NUP35: variants seen among roughly 807,000 people sequenced by gnomAD.
NUP35 encodes the protein nucleoporin NUP35.
Under a neutral mutation model 41.5 loss-of-function variants are expected in NUP35, and 25 were observed. The ratio of observed to expected loss-of-function variants is 0.60; its 90% CI spans 0.44 to 0.84. NUP35 has a LOEUF of 0.84. NUP35 is among the 40% of genes least tolerant of loss of function. NUP35 has a pLI of 0.00. For missense variants in NUP35, 396 were observed against 396.6 expected (o/e 1.00, Z 0.01); for synonymous variants, 149 against 130.7 (o/e 1.14, Z -0.96).
intron 3 of NUP35, among the ~76,000 whole-genome samples, chr2:183,132,400 A>G (rs948435059): frequency 2.1e-5 from 2 of 93,900 alleles, no homozygotes; most frequent in South Asian, 3.1e-4. Context: ...CTGAAAATAC[A>G]AAAAAAAAAA....
At chr2:183,129,456 C>T (rs1684620017) in intron 2 of NUP35, among the ~76,000 whole-genome samples, 1 of 151,996 alleles carries the variant, frequency 6.6e-6, no homozygotes, top group South Asian at 2.1e-4. Flanking sequence ...AGTATTTTTG[C>T]TTTAAAATGG....
In NUP35 at chr2:183,159,692, G is replaced by A. The variant is rs1481402717; in HGVS notation, c.903+40G>A. The A allele has an allele frequency of 2.7e-6, 4 of 1,485,134 alleles. No individual in the cohort carries two copies. In the South Asian group the frequency reaches 3.4e-5, roughly 13 times the overall value. 92.0% of individuals were successfully genotyped at this position (1,485,134 alleles called of 1,614,324 possible). ...GGATAAAAAAAGATGTACTTTAATG[G>A]CTGAGTGCATAGCATGCTTAACTTT... On this transcript the variant is annotated intron_variant, in intron 8 of 8. Transcript: ENST00000295119.
rs370230332 is a variant in NUP35 at position 183,159,474 on chromosome 2, C to T, written c.739-14C>T. The T allele has an allele frequency of 8.0e-5, 129 of 1,604,870 alleles. No individual in the cohort carries two copies. The highest frequency in any genetic ancestry group is 1.1e-4 in the Non-Finnish European group (126 of 1,175,412). ...ATGTTTATAAACAAAGGAGTTATTT[C>T]TTTGTTTCTCCAGAGTGTTATGGAA... On this transcript the variant is annotated splice_polypyrimidine_tract_variant and intron_variant, in intron 7 of 8. Transcript: ENST00000295119.
At chr2:183,152,491 A>G (rs1685507057) in intron 5 of NUP35, among the ~76,000 whole-genome samples, 1 of 152,108 alleles carries the variant, frequency 6.6e-6, no homozygotes, top group African/African-American at 2.4e-5. Context: ...ATGCTTTTGC[A>G]TCATCATAGC....
rs1045506677 is a variant in NUP35 at position 183,144,745 on chromosome 2, G to C, written c.398-6763G>C. ...CATGGCATGTGGGCATCAGAAGTCT[G>C]ATTGAAAGGAAGTAAAATTAGTGGA... On this transcript the variant is annotated intron_variant, in intron 4 of 8. Transcript: ENST00000295119. 7.9e-5 allele frequency among the ~76,000 whole-genome samples: 12 copies of C among 152,200 alleles called. 1 individual carries two copies. The highest frequency in any genetic ancestry group is 7.9e-4 in the Admixed American group (12 of 15,278).
intron 4 of NUP35, among the ~76,000 whole-genome samples, chr2:183,137,957 A>G (rs762714866): frequency 1.3e-5 from 2 of 152,034 alleles, no homozygotes; most frequent in African/African-American, 2.4e-5. Flanking sequence ...TTTCTAATAT[A>G]GTAACTTCTG....
chr2:183,156,592 C>T (rs1440553190), intron 5 of NUP35, among the ~76,000 whole-genome samples: 5 of 152,098 alleles, frequency 3.3e-5, no homozygotes, highest in African/African-American at 4.8e-5. Flanking sequence ...CCACCCACCT[C>T]GGCCTCCCAA....
intron 1 of NUP35, among the ~76,000 whole-genome samples, chr2:183,126,642 G>GTTTTTT (rs71008267): frequency 1.4e-5 from 2 of 145,754 alleles, no homozygotes; most frequent in Non-Finnish European, 3.0e-5. Flanking sequence ...TATTGAATTT[G>GTTTTTT]TTTTTTTTTT....
At chr2:183,159,786 G>T (rs1685804066) in intron 8 of NUP35, 134 bp downstream of exon 8, 1 of 596,516 alleles carries the variant, frequency 1.7e-6, no homozygotes, top group African/African-American at 1.9e-5. Context: ...AAACCTTTAC[G>T]CTTTAAAAGT....
chr2:183,122,436 C>G (rs1444852867), upstream of NUP35, among the ~76,000 whole-genome samples: 1 of 152,134 alleles, frequency 6.6e-6, no homozygotes, highest in African/African-American at 2.4e-5. Context: ...TTCTCTTTCT[C>G]TGCATCTGTT....
At chr2:183,151,761 C>G in intron 5 of NUP35, 112 bp downstream of exon 5, 1 of 917,208 alleles carries the variant, frequency 1.1e-6, no homozygotes, top group Admixed American at 2.5e-5. Context: ...ACCCATATTA[C>G]TACCACCTAG....
chr2:183,127,697 A>G (rs1340236663), intron 1 of NUP35, among the ~76,000 whole-genome samples: 2 of 152,226 alleles, frequency 1.3e-5, no homozygotes, highest in African/African-American at 4.8e-5. Context: ...ACATAGTCCA[A>G]ACTGATTCGG....
chr2:183,141,643 GT>G (rs970356519), intron 4 of NUP35, among the ~76,000 whole-genome samples: 5 of 151,516 alleles, frequency 3.3e-5, no homozygotes, highest in African/African-American at 9.7e-5. Context: ...GTTAATAATT[GT>G]TTTTTTTCTA....
At chr2:183,143,570 T>C (rs879473045) in intron 4 of NUP35, among the ~76,000 whole-genome samples, 1 of 152,238 alleles carries the variant, frequency 6.6e-6, no homozygotes, top group Non-Finnish European at 1.5e-5. Flanking sequence ...TGTCTTCTGC[T>C]GTCAGACTCA....
chr2:183,153,866 G>A (rs1429180996), intron 5 of NUP35, among the ~76,000 whole-genome samples: 2 of 152,180 alleles, frequency 1.3e-5, no homozygotes, highest in African/African-American at 4.8e-5. Flanking sequence ...CTGCCCTAGC[G>A]GAGGTTCTCC....
At chr2:183,142,250 A>G (rs559436776) in intron 4 of NUP35, among the ~76,000 whole-genome samples, 3 of 152,156 alleles carry the variant, frequency 2.0e-5, no homozygotes, top group South Asian at 4.1e-4. Context: ...CAAGATGCTT[A>G]TATTTATTCT....
chr2:183,139,147 T>A (rs1684994204), intron 4 of NUP35, among the ~76,000 whole-genome samples: 1 of 151,914 alleles, frequency 6.6e-6, no homozygotes, highest in Middle Eastern at 3.4e-3. Flanking sequence ...TGCTTTTCAG[T>A]AGACTAAGAG....
In NUP35 at chr2:183,151,580, C is replaced by G; in HGVS notation, c.470C>G (p.Pro157Arg). 6.2e-7 allele frequency: 1 copy of G among 1,613,812 alleles called. No individual in the cohort carries two copies. The highest frequency in any genetic ancestry group is 8.5e-7 in the Non-Finnish European group (1 of 1,179,740). ...KTTLSPAQLDPFYTQGDSLTS... is the reference protein window; with the variant it reads ...KTTLSPAQLDRFYTQGDSLTS... ...ACATTATCTCCTGCCCAGTTGGATC[C>G]TTTTTATACTCAAGGAGATTCTTTG... is the stretch of plus-strand genomic sequence containing the variant. The change falls in exon 5 of 9, where the codon CCT (proline) becomes CGT (arginine). Residue 157 changes from proline to arginine, a missense_variant. Transcript: ENST00000295119.
At chr2:183,133,332 T>C (rs923997606) in intron 3 of NUP35, among the ~76,000 whole-genome samples, 2 of 151,726 alleles carry the variant, frequency 1.3e-5, no homozygotes, top group African/African-American at 4.8e-5. Flanking sequence ...TCTTTTTTTT[T>C]TTTTTTAACA....
Sources: allele counts gnomAD v4.1 joint callset (sites outside exome capture counted in the v4.1 genomes callset), GRCh38; gene constraint gnomAD v4.1.1; transcripts MANE v1.5; gene names NCBI Gene and HGNC (gene_info 2026-07-23, HGNC 2026-07-21).